The following WDR7 variants were observed in gnomAD, a reference collection of about 807,000 sequenced individuals.
WDR7 encodes the protein WD repeat domain 7.
WDR7 carries 46 observed loss-of-function variants against 169.4 expected under a neutral mutation model. That is an observed-to-expected ratio of 0.27 (90% CI 0.21 to 0.35). The LOEUF (loss-of-function observed/expected upper bound fraction) is 0.35. Among genes scored for constraint, WDR7 ranks in the 10% least tolerant of loss-of-function variants. WDR7 has a pLI of 1.00. For synonymous variants in WDR7, 612 were observed against 666.8 expected (o/e 0.92, Z 1.27); for missense variants, 1,534 against 1,859.3 (o/e 0.83, Z 3.22).
intron 25 of WDR7, among the ~76,000 whole-genome samples, chr18:56,941,420 G>GAAGAGTTGA: frequency 6.6e-6 from 1 of 152,304 alleles, no homozygotes; most frequent in Admixed American, 6.5e-5. Flanking sequence ...AAGCTTCACA[G>GAAGAGTTGA]AAGAGTTGAT....
chr18:56,901,547 CCCATCGCTTA>C, intron 21 of WDR7, among the ~76,000 whole-genome samples: 1 of 152,204 alleles, frequency 6.6e-6, no homozygotes, highest in Middle Eastern at 3.4e-3. Context: ...CTAGTAATGT[CCCATCGCTTA>C]CCTAGTACTT....
intron 21 of WDR7, among the ~76,000 whole-genome samples, chr18:56,882,646 G>A (rs996571984): frequency 6.6e-6 from 1 of 152,084 alleles, no homozygotes; most frequent in Non-Finnish European, 1.5e-5. Context: ...CACAGTTTTA[G>A]GGAAGGAGTT....
chr18:56,903,766 C>G lies in WDR7; in HGVS notation c.3527-20156C>G, dbSNP rs1345394334. Among the ~76,000 whole-genome samples the G allele has an allele frequency of 2.0e-5, 3 of 152,062 alleles. No individual in the cohort carries two copies. The East Asian group carries it at 5.8e-4, about 29-fold the overall frequency. ...GTTGGATTTGGTGTTCTGTCAGATT[C>G]AAGAAAATTACTATGGACCACAAGT... is the stretch of plus-strand genomic sequence containing the variant. On this transcript the variant is annotated intron_variant, in intron 21 of 27. Transcript: ENST00000254442.
At chr18:56,787,354 A>G (rs530155954) in intron 19 of WDR7, among the ~76,000 whole-genome samples, 1 of 152,352 alleles carries the variant, frequency 6.6e-6, no homozygotes, top group African/African-American at 2.4e-5. Flanking sequence ...TTTCAGAAAC[A>G]TTAAACACAT....
chr18:56,879,018 A>G (rs548275035), intron 20 of WDR7, among the ~76,000 whole-genome samples: 1 of 152,196 alleles, frequency 6.6e-6, no homozygotes, highest in Middle Eastern at 3.4e-3. Context: ...AACCTAATAC[A>G]TTTTCTTTAT....
chr18:56,744,411 C>T lies in WDR7; in HGVS notation c.1990-12172C>T, dbSNP rs530294390. Among the ~76,000 whole-genome samples the T allele has an allele frequency of 6.6e-5, 10 of 152,096 alleles. No individual in the cohort carries two copies. The South Asian group carries it at 2.1e-3, about 32-fold the overall frequency. ...TGTCTGTGGGGAGGAAGGGAGTGATCCTGAGTAGGGGACCTGATGAGAGTG... is the reference window on the plus strand; with the variant it reads ...TGTCTGTGGGGAGGAAGGGAGTGATTCTGAGTAGGGGACCTGATGAGAGTG... On this transcript the variant is annotated intron_variant, in intron 14 of 27. Transcript: ENST00000254442.
At chr18:56,742,104 C>T (rs1568168904) in intron 14 of WDR7, among the ~76,000 whole-genome samples, 1 of 152,124 alleles carries the variant, frequency 6.6e-6, no homozygotes. Flanking sequence ...AAATTCAGAG[C>T]AGTTTTGTTT....
At chr18:56,807,147 C>CAAA (rs566956902) in intron 19 of WDR7, among the ~76,000 whole-genome samples, 19 of 84,182 alleles carry the variant, frequency 2.3e-4, no homozygotes, top group African/African-American at 5.6e-4. Context: ...TGATCCTAGC[C>CAAA]AAAAAAAAAA....
intron 17 of WDR7, among the ~76,000 whole-genome samples, chr18:56,779,124 A>G (rs3810083): frequency 0.073 from 11,064 of 152,182 alleles, 485 homozygotes; most frequent in East Asian, 0.18. Context: ...TTTAATATAT[A>G]TTTTATTTTA....
chr18:56,897,810 G>A (rs2046349929), intron 21 of WDR7, among the ~76,000 whole-genome samples: 1 of 151,896 alleles, frequency 6.6e-6, no homozygotes, highest in African/African-American at 2.4e-5. Flanking sequence ...AAAAAGAAAA[G>A]GGTAGAATGA....
intron 26 of WDR7, among the ~76,000 whole-genome samples, chr18:56,980,929 AATC>A (rs2047635734): frequency 6.6e-6 from 1 of 152,214 alleles, no homozygotes; most frequent in Non-Finnish European, 1.5e-5. Context: ...TGCAGTGAGA[AATC>A]ATGAAGGGTT....
intron 25 of WDR7, among the ~76,000 whole-genome samples, chr18:56,957,063 G>T (rs2047261039): frequency 6.6e-6 from 1 of 152,038 alleles, no homozygotes; most frequent in Non-Finnish European, 1.5e-5. Flanking sequence ...GGTATACAAG[G>T]ATCTGTGTAC....
At chr18:56,885,975 C>T (rs1041499615) in intron 21 of WDR7, among the ~76,000 whole-genome samples, 1 of 152,114 alleles carries the variant, frequency 6.6e-6, no homozygotes, top group Non-Finnish European at 1.5e-5. Flanking sequence ...GACCTGAGAC[C>T]TAAATGACCT....
chr18:56,864,710 T>C (rs1258200084), intron 20 of WDR7, among the ~76,000 whole-genome samples: 1 of 151,900 alleles, frequency 6.6e-6, no homozygotes, highest in Non-Finnish European at 1.5e-5. Flanking sequence ...TTATAGTAGA[T>C]ATTCAGCAAT....
intron 21 of WDR7, among the ~76,000 whole-genome samples, chr18:56,883,997 A>G (rs2046150933): frequency 6.6e-6 from 1 of 152,156 alleles, no homozygotes; most frequent in Non-Finnish European, 1.5e-5. Context: ...TCTTATTCAT[A>G]TAATGACTTG....
chr18:56,995,855 A>G (rs768290444), intron 26 of WDR7, among the ~76,000 whole-genome samples: 28 of 152,172 alleles, frequency 1.8e-4, no homozygotes, highest in Non-Finnish European at 3.5e-4. Context: ...TCCTTTCCCA[A>G]GGCATTGTCA....
rs544720901 is a variant in WDR7 at position 57,028,020 on chromosome 18, C to T, written c.*813C>T. On this transcript the variant is annotated 3_prime_UTR_variant, in exon 28 of 28. Coordinates refer to ENST00000254442, the MANE Select transcript of WDR7 (RefSeq NM_015285.3). ...TTGAAGGGACTTTTGTGATAAAGAG[C>T]CAAGTTCAGAAGCATAGCGTGTACC... The T allele has an allele frequency of 3.3e-5, 5 of 152,152 alleles. No homozygotes were observed. The highest frequency in any genetic ancestry group is 2.1e-4 in the South Asian group (1 of 4,810). 9.4% of individuals were successfully genotyped at this position (152,152 alleles called of 1,614,324 possible).
intron 14 of WDR7, among the ~76,000 whole-genome samples, chr18:56,732,552 A>G (rs1598999601): frequency 6.6e-6 from 1 of 152,154 alleles, no homozygotes; most frequent in African/African-American, 2.4e-5. Flanking sequence ...GAAATACTGT[A>G]GGCAGTTCCA....
chr18:56,759,852 A>G (rs2043955457), intron 16 of WDR7, among the ~76,000 whole-genome samples: 1 of 152,174 alleles, frequency 6.6e-6, no homozygotes. Context: ...TTCCTCTTCC[A>G]CAAGACAAGT....
Sources: allele counts gnomAD v4.1 joint callset (sites outside exome capture counted in the v4.1 genomes callset), GRCh38; gene constraint gnomAD v4.1.1; transcripts MANE v1.5; gene names NCBI Gene and HGNC (gene_info 2026-07-23, HGNC 2026-07-21).